The following NOTCH1 variants were observed in gnomAD, a reference collection of about 807,000 sequenced individuals.
NOTCH1 encodes the protein neurogenic locus notch homolog protein 1.
In NOTCH1, 37 loss-of-function variants were observed where a neutral mutation model predicts 254.8. That is an observed-to-expected ratio of 0.15 (90% confidence interval 0.11 to 0.19). The LOEUF (loss-of-function observed/expected upper bound fraction) is 0.19, where lower values mean the gene tolerates loss of function less well. Among genes scored for constraint, NOTCH1 ranks in the 10% least tolerant of loss-of-function variants. NOTCH1 has a pLI of 1.00. For missense variants in NOTCH1, 2,972 were observed against 3,708.6 expected, an observed-to-expected ratio of 0.80 and a Z score of 5.16; for synonymous variants, 1,731 against 1,618.1, an observed-to-expected ratio of 1.07 and a Z score of -1.68.
rs1843411753 is a variant in NOTCH1 at position 136,523,632 on chromosome 9, G to A, written c.403+85C>T. The A allele has an allele frequency of 2.0e-6, 3 of 1,515,780 alleles. No individual in the cohort carries two copies. The South Asian group carries it at 3.6e-5, about 18-fold the overall frequency. The allele number at this position is 1,515,780 out of a possible 1,614,324, so 93.9% of individuals were successfully genotyped here. A position where few individuals can be genotyped will look rare whatever the true frequency, so the allele number is the denominator to read the frequency against. ...CTTCCGGGTCAGAGACCCGGGCCTG[G>A]ATCCCGCCAAGTACCTCAAGTTGCC... On this transcript the variant is annotated intron_variant, in intron 3 of 33. Coordinates refer to ENST00000651671, the MANE Select transcript of NOTCH1 (RefSeq NM_017617.5).
In NOTCH1 at chr9:136,498,881, T is replaced by C; in HGVS notation, c.6180+18A>G. On this transcript the variant is annotated intron_variant, in intron 33 of 33. Coordinates refer to ENST00000651671, the MANE Select transcript of NOTCH1 (RefSeq NM_017617.5). ...TTCAGCCCTCACGTCTCCCCTGGCA[T>C]CCCAGCCTCGCGCTCACCCTGTTGT... 1.2e-6 allele frequency: 2 copies of C among 1,613,036 alleles called. No individual in the cohort carries two copies. The highest frequency in any genetic ancestry group is 1.3e-5 in the African/African-American group (1 of 75,058).
In NOTCH1 at chr9:136,518,672, C is replaced by T. The variant is rs2133370928; in HGVS notation, c.1018G>A (p.Ala340Thr). Residue 340 changes from alanine to threonine, a missense_variant, in exon 6 of 34, where the codon GCC (alanine) becomes ACC (threonine). Coordinates refer to ENST00000651671, the MANE Select transcript of NOTCH1 (RefSeq NM_017617.5). Reference sequence around the variant, plus strand: ...GCGCCGTGGAAGCAGGCGGCGCTGGCACAGTCATCAATGTTCTCGCTGCAG... The same window carrying T: ...GCGCCGTGGAAGCAGGCGGCGCTGGTACAGTCATCAATGTTCTCGCTGCAG... The part of the protein sequence containing the change: ...EDCSENIDDC[A>T]SAACFHGATC... 1 of 1,612,590 alleles carries T rather than the reference C, an allele frequency of 6.2e-7. No individual in the cohort carries two copies. Among genetic ancestry groups the T allele is most frequent in the Non-Finnish European group, 8.5e-7 (1 of 1,179,992 alleles).
chr9:136,507,295 C>T lies in NOTCH1; in HGVS notation c.3643+10G>A, dbSNP rs1159458812. On this transcript the variant is annotated intron_variant, in intron 22 of 33. Coordinates refer to ENST00000651671, the MANE Select transcript of NOTCH1 (RefSeq NM_017617.5). ...TGGCCAACACCAGCCCTCCGTGCAG[C>T]GGCCCTTACCCTGAGTGCCCCGTGG... 25 of 1,612,706 alleles carry T rather than the reference C, an allele frequency of 1.6e-5. No individual in the cohort carries two copies. The highest frequency in any genetic ancestry group is 1.4e-5 in the Non-Finnish European group (17 of 1,179,882).
intron 15 of NOTCH1, among the ~76,000 whole-genome samples, chr9:136,511,685 C>T (rs1473328402): frequency 6.6e-6 from 1 of 152,208 alleles, no homozygotes; most frequent in African/African-American, 2.4e-5. Context: ...GAGGAAAGGC[C>T]CTGGCCTGAG....
In NOTCH1 at chr9:136,505,188, C is replaced by T. The variant is rs1246051273; in HGVS notation, c.4587-84G>A. 20 of 1,529,360 alleles carry T rather than the reference C, an allele frequency of 1.3e-5. No homozygotes were observed. The East Asian group carries it at 1.6e-4, about 13-fold the overall frequency. The allele number at this position is 1,529,360 out of a possible 1,614,324, so 94.7% of individuals were successfully genotyped here. A position where few individuals can be genotyped will look rare whatever the true frequency, so the allele number is the denominator to read the frequency against. ...CGGTGCCTCCAGCCCACTGGCCAGC[C>T]GCGGGGGACGTCCCTGCACCCCCTG... On this transcript the variant is annotated intron_variant, in intron 25 of 33. Transcript: ENST00000651671.
intron 2 of NOTCH1, among the ~76,000 whole-genome samples, chr9:136,536,311 T>C (rs1317137211): frequency 1.3e-5 from 2 of 152,120 alleles, no homozygotes; most frequent in East Asian, 1.9e-4. Context: ...CAAGGGCAAC[T>C]TGGAGAGGAC....
At chr9:136,503,006 G>A (rs770755608) in intron 27 of NOTCH1, 176 bp downstream of exon 27, 26 of 919,384 alleles carry the variant, frequency 2.8e-5, no homozygotes, top group East Asian at 7.9e-5. Flanking sequence ...AGCTGTGACC[G>A]CCGCAGGTGG....
intron 31 of NOTCH1, 58 bp from the exon 32 acceptor site, chr9:136,499,317 G>A (rs1364964366): frequency 1.0e-5 from 16 of 1,595,394 alleles, no homozygotes; most frequent in Non-Finnish European, 1.3e-5. Flanking sequence ...GATGCCTCCT[G>A]CCCAGAACGA....
chr9:136,512,292 C>A (rs1843193194), intron 15 of NOTCH1, among the ~76,000 whole-genome samples: 2 of 152,200 alleles, frequency 1.3e-5, no homozygotes, highest in African/African-American at 4.8e-5. Context: ...GTCATGGGAA[C>A]CGCAGGCGTG....
intron 2 of NOTCH1, among the ~76,000 whole-genome samples, chr9:136,530,062 G>A (rs571980774): frequency 2.6e-5 from 4 of 152,322 alleles, no homozygotes; most frequent in Non-Finnish European, 4.4e-5. Context: ...GGGAGGTGGG[G>A]GCCCAGAAAA....
chr9:136,518,376 C>T, intron 6 of NOTCH1, 84 bp from the exon 7 acceptor site: 1 of 1,523,622 alleles, frequency 6.6e-7, no homozygotes, highest in Non-Finnish European at 8.8e-7. Flanking sequence ...ACCCCACTGA[C>T]ACCCCAGGAG....
chr9:136,506,497 G>T lies in NOTCH1; in HGVS notation c.4014+30C>A, dbSNP rs1208190497. 2.6e-6 allele frequency: 4 copies of T among 1,548,428 alleles called. No individual in the cohort carries two copies. In the African/African-American group the frequency reaches 5.5e-5, roughly 21 times the overall value. On this transcript the variant is annotated intron_variant, in intron 24 of 33. Transcript: ENST00000651671. The surrounding 1 kb of genome is among the most constrained non-coding windows in gnomAD (Gnocchi z 4.5). The stretch of plus-strand genomic sequence containing the variant: ...CCTCTCCAGGTGTCTCCCCTGGCGG[G>T]CCCCTGCCTCCCTGCACCCCTGCAC...
At position 136,497,276 on chromosome 9, in the gene NOTCH1, C is replaced by G. The variant is rs1035043614; in HGVS notation, c.6463G>C (p.Gly2155Arg). Residue 2155 changes from glycine to arginine, a missense_variant, in exon 34 of 34, where the codon GGC becomes CGC. By Grantham distance (125) the Gly-to-Arg change is moderately radical (BLOSUM62 -2). Transcript: ENST00000651671. ...CTGCTGGGCTTGCGGACCTTCTTGC[C>G]CTGCACGCCGGGCTTGAGGCTGCCC... ...YLGSLKPGVQ[G>R]KKVRKPSSKG... 6.2e-7 allele frequency: 1 copy of G among 1,610,226 alleles called. No homozygotes were observed. Among genetic ancestry groups the G allele is most frequent in the Admixed American group, 1.7e-5 (1 of 60,020 alleles).
At position 136,545,702 on chromosome 9, in the gene NOTCH1, G is replaced by T. The variant is rs1334356584; in HGVS notation, c.61+24C>A. ...TTTCCAAAGGGCGCGGAAAGTGGGG[G>T]CTCGCGGGTGGGTGGGCGCCTACCT... On this transcript the variant is annotated intron_variant, in intron 1 of 33. Transcript: ENST00000651671. This position sits in a 1 kb window ranked among gnomAD's most constrained non-coding sequence, Gnocchi z 6.8. 6.9e-7 allele frequency: 1 copy of T among 1,441,478 alleles called. No homozygotes were observed. 89.3% of individuals were successfully genotyped at this position (1,441,478 alleles called of 1,614,324 possible). A position where few individuals can be genotyped will look rare whatever the true frequency, so the allele number is the denominator to read the frequency against.
intron 2 of NOTCH1, among the ~76,000 whole-genome samples, chr9:136,526,048 C>T (rs758694924): frequency 6.6e-6 from 1 of 152,280 alleles, no homozygotes; most frequent in Non-Finnish European, 1.5e-5. Context: ...GAGCGACGGG[C>T]ACAGCCCCGG....
Position 136,517,297 on chromosome 9 carries a change from A to G in NOTCH1, c.1530T>C (p.Asn510=), listed in dbSNP as rs1222845749. The change falls in exon 9 of 34, where the codon AAT becomes AAC. Residue 510 remains asparagine (N), a synonymous_variant. Transcript: ENST00000651671. ...CCGTGGGGCACTCGCACTGGAACTC[A>G]TTGATCTTGTCCAGGCAGCGGCCAT... is the stretch of plus-strand genomic sequence containing the variant. ...LHNGRCLDKI[N]EFQCECPTGF... 2 of 1,608,154 alleles carry G rather than the reference A, an allele frequency of 1.2e-6. No homozygotes were observed. The highest frequency in any genetic ancestry group is 2.7e-5 in the African/African-American group (2 of 74,770).
At chr9:136,507,921 C>G in intron 21 of NOTCH1, 34 bp downstream of exon 21, 1 of 1,607,022 alleles carries the variant, frequency 6.2e-7, no homozygotes, top group Non-Finnish European at 8.5e-7. Flanking sequence ...ACACTCGTGC[C>G]GGCCACAACC....
chr9:136,529,669 C>T, intron 2 of NOTCH1, among the ~76,000 whole-genome samples: 1 of 152,246 alleles, frequency 6.6e-6, no homozygotes, highest in East Asian at 1.9e-4. Context: ...TGTGTCCCAA[C>T]CCCTGTTCAA....
Position 136,496,990 on chromosome 9 carries a change from G to T in NOTCH1, c.6749C>A (p.Ala2250Glu). The T allele has an allele frequency of 6.2e-7, 1 of 1,610,216 alleles. No homozygotes were observed. The highest frequency in any genetic ancestry group is 1.1e-5 in the South Asian group (1 of 90,972). Residue 2250 changes from alanine to glutamate, a missense_variant, in exon 34 of 34, where the codon GCG (alanine) becomes GAG (glutamate). Transcript: ENST00000651671. Reference sequence around the variant, plus strand: ...CAGCGCCGCCATCTCGGGCTTGGCCGCCACGTTCAGGTGCCCGATGCCCAG... The same window carrying T: ...CAGCGCCGCCATCTCGGGCTTGGCCTCCACGTTCAGGTGCCCGATGCCCAG... ...THLGIGHLNVAAKPEMAALGG... is the reference protein window; with the variant it reads ...THLGIGHLNVEAKPEMAALGG...
Sources: gnomAD v4.1 joint callset for allele counts (sites outside exome capture counted in the v4.1 genomes callset) on GRCh38, gnomAD v4.1.1 for gene constraint, Gnocchi (gnomAD v3.1) non-coding constraint, MANE v1.5 for transcripts, NCBI Gene and HGNC (gene_info 2026-07-23, HGNC 2026-07-21) for gene names.